AVL9: variants seen among roughly 807,000 people sequenced by gnomAD.
AVL9 encodes the protein AVL9 cell migration associated, also known as late secretory pathway protein AVL9 homolog.
Under a neutral mutation model 79.2 loss-of-function variants are expected in AVL9, and 49 were observed. The observed-to-expected ratio is 0.62, with a 90% CI of 0.49 to 0.79. AVL9 has a LOEUF of 0.79. Ranked by LOEUF, AVL9 falls within the 30% of genes least tolerant of loss-of-function variation. The pLI, the probability that AVL9 is intolerant of heterozygous loss-of-function variation, is 0.00. For missense variants in AVL9, 682 were observed against 776.8 expected (o/e 0.88, Z 1.45); for synonymous variants, 299 against 280.6 (o/e 1.07, Z -0.65).
chr7:32,587,099 C>T lies in AVL9; in HGVS notation c.*3192C>T. 1 of 152,170 alleles carries T rather than the reference C, an allele frequency of 6.6e-6. No individual in the cohort carries two copies. The highest frequency in any genetic ancestry group is 2.1e-4 in the South Asian group (1 of 4,832). The allele number at this position is 152,170 out of a possible 1,614,324, so 9.4% of individuals were successfully genotyped here. Reference sequence around the variant, plus strand: ...GAGCATATGATGTAACTTGCTCAACCTTATCTTCCTTTCCAAATTCTATAC... The same window carrying T: ...GAGCATATGATGTAACTTGCTCAACTTTATCTTCCTTTCCAAATTCTATAC... On this transcript the variant is annotated 3_prime_UTR_variant, in exon 16 of 16. Transcript: ENST00000318709.
intron 1 of AVL9, among the ~76,000 whole-genome samples, chr7:32,524,642 CT>C (rs1788324135): frequency 6.7e-6 from 1 of 150,032 alleles, no homozygotes; most frequent in Non-Finnish European, 1.5e-5. Flanking sequence ...TGTAAATCTG[CT>C]CTTTGAGAAA....
chr7:32,533,602 C>G (rs1186552697), intron 1 of AVL9: 1 of 152,116 alleles, frequency 6.6e-6, no homozygotes, highest in East Asian at 1.9e-4. Flanking sequence ...GTCTGATGCC[C>G]AGGGCTTTTT....
rs1336685865 is a variant in AVL9 at position 32,580,932 on chromosome 7, A to G, written c.1831+42A>G. On this transcript the variant is annotated intron_variant, in intron 15 of 15. Transcript: ENST00000318709. ...GCCAGGAACAAATTGGAATCACAAC[A>G]CATCCATTTTCTATCTTTAATATGT... 4 of 1,403,062 alleles carry G rather than the reference A, an allele frequency of 2.9e-6. No individual in the cohort carries two copies. The East Asian group carries it at 6.9e-5, about 24-fold the overall frequency. The allele number at this position is 1,403,062 out of a possible 1,614,324, so 86.9% of individuals were successfully genotyped here. A position where few individuals can be genotyped will look rare whatever the true frequency, so the allele number is the denominator to read the frequency against.
intron 1 of AVL9, among the ~76,000 whole-genome samples, chr7:32,506,637 G>A (rs1787424376): frequency 6.6e-6 from 1 of 152,072 alleles, no homozygotes. Flanking sequence ...ACTGGGCAAG[G>A]TGCAGTGGCT....
At chr7:32,499,431 G>A (rs946488980) in intron 1 of AVL9, among the ~76,000 whole-genome samples, 1 of 151,794 alleles carries the variant, frequency 6.6e-6, no homozygotes, top group Admixed American at 6.6e-5. Flanking sequence ...ATTTTCCAAA[G>A]TGATGTCATA....
Position 32,573,273 on chromosome 7 carries a change from G to A in AVL9, c.1425G>A (p.Arg475=). Residue 475 remains arginine, a synonymous_variant, in exon 12 of 16, where the codon AGG becomes AGA. Coordinates refer to ENST00000318709, the MANE Select transcript of AVL9 (RefSeq NM_015060.3). ...TTAACCCAACCACTGCAGACCTAAGGTTCGCAGACTACCTAGTGAGGCACG... is the reference window on the plus strand; with the variant it reads ...TTAACCCAACCACTGCAGACCTAAGATTCGCAGACTACCTAGTGAGGCACG... ...KLLNPTTADL[R]FADYLVRHVT... 2 of 1,613,832 alleles carry A rather than the reference G, an allele frequency of 1.2e-6. No homozygotes were observed. The highest frequency in any genetic ancestry group is 8.5e-7 in the Non-Finnish European group (1 of 1,179,986).
At chr7:32,572,187 C>T (rs1034784871) in intron 11 of AVL9, among the ~76,000 whole-genome samples, 1 of 149,576 alleles carries the variant, frequency 6.7e-6, no homozygotes, top group Admixed American at 6.6e-5. Flanking sequence ...AAAAAAAATT[C>T]AGCCACACTG....
At position 32,520,526 on chromosome 7, in the gene AVL9, C is replaced by G. The variant is rs1317869443; in HGVS notation, c.94-22615C>G. ...GCCACTGTAAGGTCTGTTGTAAGGT[C>G]TATTTGCCCTGAAAAGGAGACTTCC... On this transcript the variant is annotated intron_variant, in intron 1 of 15. Coordinates refer to ENST00000318709, the MANE Select transcript of AVL9 (RefSeq NM_015060.3). 5.3e-5 allele frequency among the ~76,000 whole-genome samples: 8 copies of G among 152,166 alleles called. No individual in the cohort carries two copies. The East Asian group carries it at 1.5e-3, about 29-fold the overall frequency.
At chr7:32,527,750 G>A (rs770429049) in intron 1 of AVL9, among the ~76,000 whole-genome samples, 9 of 152,154 alleles carry the variant, frequency 5.9e-5, no homozygotes, top group Non-Finnish European at 1.2e-4. Context: ...GGCCATTGAT[G>A]TTGCCTCTGG....
chr7:32,499,872 T>G (rs1301967895), intron 1 of AVL9, among the ~76,000 whole-genome samples: 2 of 152,214 alleles, frequency 1.3e-5, no homozygotes, highest in African/African-American at 2.4e-5. Context: ...CTGTGTTAGT[T>G]TGCTGAGAAT....
At chr7:32,519,584 T>C (rs12673952) in intron 1 of AVL9, among the ~76,000 whole-genome samples, 28,174 of 152,174 alleles carry the variant, frequency 0.19, 2,864 homozygotes, top group South Asian at 0.31. Context: ...CTTAAAATCA[T>C]GTTAAGTAAC....
At chr7:32,525,049 C>T (rs1357320734) in intron 1 of AVL9, among the ~76,000 whole-genome samples, 1 of 152,158 alleles carries the variant, frequency 6.6e-6, no homozygotes, top group African/African-American at 2.4e-5. Flanking sequence ...CTGCTAGATT[C>T]CACAGTGCCT....
At chr7:32,546,828 TA>T (rs60515780) in intron 3 of AVL9, among the ~76,000 whole-genome samples, 3 of 150,926 alleles carry the variant, frequency 2.0e-5, no homozygotes, top group Admixed American at 6.6e-5. Context: ...CTCAAAAAAA[TA>T]AAAAAAATAA....
At chr7:32,581,142 C>T (rs1791486846) in intron 15 of AVL9, 4 of 450,690 alleles carry the variant, frequency 8.9e-6, no homozygotes, top group South Asian at 5.3e-5. Context: ...ATTCAAGCTG[C>T]ACCAGAGTTT....
At chr7:32,528,513 G>A (rs1255838744) in intron 1 of AVL9, among the ~76,000 whole-genome samples, 1 of 152,180 alleles carries the variant, frequency 6.6e-6, no homozygotes, top group African/African-American at 2.4e-5. Context: ...CTGAAGTACT[G>A]TAGCCCCTTG....
intron 2 of AVL9, 50 bp downstream of exon 2, chr7:32,543,311 G>A: frequency 6.3e-7 from 1 of 1,598,610 alleles, no homozygotes; most frequent in Non-Finnish European, 8.5e-7. Context: ...GAAAAAATTT[G>A]CCAAGATATC....
intron 1 of AVL9, among the ~76,000 whole-genome samples, chr7:32,527,011 CTA>C (rs1406899530): frequency 6.6e-6 from 1 of 152,126 alleles, no homozygotes; most frequent in Non-Finnish European, 1.5e-5. Context: ...TGTCTCAAAA[CTA>C]TGCAAGCACC....
intron 1 of AVL9, among the ~76,000 whole-genome samples, chr7:32,522,849 C>T (rs148494288): frequency 6.6e-4 from 100 of 152,156 alleles, no homozygotes; most frequent in African/African-American, 2.2e-3. Context: ...CAGTCTTTTC[C>T]GTGCTATTCT....
At chr7:32,516,349 A>G (rs1262486279) in intron 1 of AVL9, among the ~76,000 whole-genome samples, 1 of 147,698 alleles carries the variant, frequency 6.8e-6, no homozygotes, top group Non-Finnish European at 1.5e-5. Context: ...GGTGCATTCT[A>G]CAGAGTCTTC....
Sources: gnomAD v4.1 joint callset for allele counts (sites outside exome capture counted in the v4.1 genomes callset) on GRCh38, gnomAD v4.1.1 for gene constraint, MANE v1.5 for transcripts, NCBI Gene and HGNC (gene_info 2026-07-23, HGNC 2026-07-21) for gene names.